Variants in UHRF1 observed in about 807,000 individuals in gnomAD.
UHRF1 encodes ubiquitin like with PHD and ring finger domains 1.
UHRF1 carries 9 observed loss-of-function variants against 96.5 expected under a neutral mutation model. The ratio of observed to expected loss-of-function variants is 0.09; its 90% CI spans 0.06 to 0.16. UHRF1 has a LOEUF of 0.16. UHRF1 is among the 10% of genes least tolerant of loss of function. The pLI is 1.00. For synonymous variants in UHRF1, 455 were observed against 469.9 expected, an observed-to-expected ratio of 0.97 and a Z score of 0.41; for missense variants, 626 against 1,131.1, an observed-to-expected ratio of 0.55 and a Z score of 6.40.
rs897055597 is a variant in UHRF1, at chr19:4,961,476, C to T, written c.*673C>T. On this transcript the variant is annotated 3_prime_UTR_variant, in exon 17 of 17. Coordinates refer to ENST00000650932, the MANE Select transcript of UHRF1 (RefSeq NM_001048201.3). ...AGTTGGGGCCACGCAGAAATGGCCT[C>T]AAGGGGACTCTGCTCCACGTGGGGC... is the stretch of plus-strand genomic sequence containing the variant. 3.3e-5 allele frequency: 5 copies of T among 152,442 alleles called. No homozygotes were observed. Among genetic ancestry groups the T allele is most frequent in the African/African-American group, 1.2e-4 (5 of 41,462 alleles). The allele number at this position is 152,442 out of a possible 1,614,324, so 9.4% of individuals were successfully genotyped here. A position where few individuals can be genotyped will look rare whatever the true frequency, so the allele number is the denominator to read the frequency against.
intron 5 of UHRF1, among the ~76,000 whole-genome samples, chr19:4,940,331 GGCCATTGGATCAA>G (rs1187332507): frequency 6.8e-6 from 1 of 146,268 alleles, no homozygotes; most frequent in Admixed American, 6.9e-5. Context: ...TTTTGATGTA[GGCCATTGGATCAA>G]GCGTTGCCTT....
At chr19:4,910,745 G>A (rs2032234976) in intron 1 of UHRF1, 131 bp from the exon 2 acceptor site, 2 of 1,115,426 alleles carry the variant, frequency 1.8e-6, no homozygotes, top group African/African-American at 1.6e-5. Flanking sequence ...TGTACAGGAG[G>A]ACTGGAAGGG....
Position 4,956,821 on chromosome 19 carries a change from G to C in UHRF1, c.2235+8G>C. On this transcript the variant is annotated splice_region_variant and intron_variant, in intron 16 of 16. Coordinates refer to ENST00000650932, the MANE Select transcript of UHRF1 (RefSeq NM_001048201.3). ...CAGCACAACGTGTGCAAGGTGAGTA[G>C]AGATGGCCGCGGGAGCCGGGTGGAA... The C allele has an allele frequency of 1.3e-6, 2 of 1,597,294 alleles. No individual in the cohort carries two copies. Among genetic ancestry groups the C allele is most frequent in the Non-Finnish European group, 1.7e-6 (2 of 1,170,770 alleles).
At chr19:4,957,649 CAG>C (rs1482033765) in intron 16 of UHRF1, among the ~76,000 whole-genome samples, 3 of 152,154 alleles carry the variant, frequency 2.0e-5, no homozygotes, top group African/African-American at 7.2e-5. Context: ...GGGGCCAGGA[CAG>C]GGTCTCTTCC....
intron 5 of UHRF1, among the ~76,000 whole-genome samples, chr19:4,939,979 G>A (rs563591478): frequency 6.7e-6 from 1 of 149,800 alleles, no homozygotes; most frequent in South Asian, 2.1e-4. Context: ...AGCCGAGATC[G>A]TGCCACTGCA....
Position 4,954,970 on chromosome 19 carries a change from C to G in UHRF1, c.2130+148C>G. On this transcript the variant is annotated intron_variant, in intron 15 of 16. Coordinates refer to ENST00000650932, the MANE Select transcript of UHRF1 (RefSeq NM_001048201.3). This position sits in a 1 kb window ranked among gnomAD's most constrained non-coding sequence, Gnocchi z 5.9. ...GGTTGTGCAACCATCACCACCATCA[C>G]CACCTCCAGAACTTTATCCTCTCCC... 1.0e-6 allele frequency: 1 copy of G among 1,001,158 alleles called. No individual in the cohort carries two copies. The highest frequency in any genetic ancestry group is 1.5e-6 in the Non-Finnish European group (1 of 682,342). The allele number at this position is 1,001,158 out of a possible 1,614,324, so 62.0% of individuals were successfully genotyped here.
chr19:4,919,267 G>A (rs140676588), intron 2 of UHRF1, among the ~76,000 whole-genome samples: 12 of 151,468 alleles, frequency 7.9e-5, no homozygotes, highest in Admixed American at 2.6e-4. Context: ...TCATACCTGA[G>A]ATTACAGGCA....
chr19:4,907,773 C>T (rs1019835312), upstream of UHRF1, among the ~76,000 whole-genome samples: 7 of 139,720 alleles, frequency 5.0e-5, no homozygotes, highest in East Asian at 2.1e-4. Flanking sequence ...AGTGCAATGG[C>T]GCGATCTTGG....
At chr19:4,928,159 C>T (rs1026552024) in intron 2 of UHRF1, among the ~76,000 whole-genome samples, 1 of 151,918 alleles carries the variant, frequency 6.6e-6, no homozygotes, top group Non-Finnish European at 1.5e-5. Context: ...GTCACAACTA[C>T]GGGGTGCTCC....
chr19:4,932,676 G>C (rs17882965), intron 4 of UHRF1, 65 bp from the exon 5 acceptor site: 1 of 1,575,170 alleles, frequency 6.3e-7, no homozygotes, highest in Non-Finnish European at 8.7e-7. Flanking sequence ...ACCTCGGCTC[G>C]TTTCCCATTG....
In UHRF1 at chr19:4,948,747, C is replaced by T. The variant is rs184659906; in HGVS notation, c.1517+1536C>T. Among the ~76,000 whole-genome samples the T allele has an allele frequency of 1.5e-4, 22 of 151,522 alleles. No individual in the cohort carries two copies. In the East Asian group the frequency reaches 2.7e-3, roughly 19 times the overall value. On this transcript the variant is annotated intron_variant, in intron 11 of 16. Transcript: ENST00000650932. The stretch of plus-strand genomic sequence containing the variant: ...CCAGGAGGCGGAGGATGCAGTGAGC[C>T]GAAATCATGCCATTGCACTCTTGCA...
chr19:4,911,147 C>G (rs1430354033), intron 2 of UHRF1, 109 bp downstream of exon 2: 1 of 1,087,988 alleles, frequency 9.2e-7, no homozygotes, highest in African/African-American at 1.6e-5. Context: ...CAACCTCGTC[C>G]GGTCCCACTT....
intron 2 of UHRF1, among the ~76,000 whole-genome samples, chr19:4,921,104 CAG>C (rs1282956343): frequency 2.1e-5 from 3 of 142,258 alleles, no homozygotes; most frequent in South Asian, 2.3e-4. Flanking sequence ...AGCCTGGTGA[CAG>C]AGGGAGACTC....
chr19:4,907,554 G>A (rs1044612272), upstream of UHRF1, among the ~76,000 whole-genome samples: 8 of 151,968 alleles, frequency 5.3e-5, no homozygotes, highest in Non-Finnish European at 1.2e-4. Context: ...ACACGTGTGA[G>A]CCACCACGCC....
chr19:4,922,186 A>G (rs2032723247), intron 2 of UHRF1, among the ~76,000 whole-genome samples: 3 of 152,066 alleles, frequency 2.0e-5, no homozygotes, highest in Admixed American at 2.0e-4. Context: ...ATCTCAAGTG[A>G]TCTGCCTGCC....
At chr19:4,914,733 G>A (rs889593524) in intron 2 of UHRF1, among the ~76,000 whole-genome samples, 1 of 150,660 alleles carries the variant, frequency 6.6e-6, no homozygotes, top group Admixed American at 6.6e-5. Context: ...CGGGTACAAC[G>A]CTCTGCACTG....
rs781617137 is a variant in UHRF1 at position 4,941,946 on chromosome 19, G to C, written c.1073+15G>C. 1.0e-5 allele frequency: 15 copies of C among 1,473,280 alleles called. No individual in the cohort carries two copies. Among genetic ancestry groups the C allele is most frequent in the South Asian group, 2.9e-5 (2 of 68,964 alleles). The allele number at this position is 1,473,280 out of a possible 1,614,324, so 91.3% of individuals were successfully genotyped here. A position where few individuals can be genotyped will look rare whatever the true frequency, so the allele number is the denominator to read the frequency against. The stretch of plus-strand genomic sequence containing the variant: ...GAGGACGAGTGGTGAGTGCGGCCCT[G>C]CCCGCCGCGGGGAGACCAGAGCGCC... On this transcript the variant is annotated intron_variant, in intron 7 of 16. Transcript: ENST00000650932.
At chr19:4,909,788 C>G in intron 1 of UHRF1, 133 bp downstream of exon 1, 1 of 455,524 alleles carries the variant, frequency 2.2e-6, no homozygotes, top group East Asian at 3.6e-5. Context: ...CCAGGGCCTC[C>G]CCTTCCACCT....
In UHRF1 at chr19:4,941,737, G is replaced by A. The variant is rs748938028; in HGVS notation, c.887-8G>A. 21 of 1,546,490 alleles carry A rather than the reference G, an allele frequency of 1.4e-5. No homozygotes were observed. Among genetic ancestry groups the A allele is most frequent in the African/African-American group, 4.1e-5 (3 of 72,836 alleles). Reference sequence around the variant, plus strand: ...CCGCCGGAGCTGACCCTGCCGCCCCGTGCCCAGGGAAGAGCGGGCCGTCCT... The same window carrying A: ...CCGCCGGAGCTGACCCTGCCGCCCCATGCCCAGGGAAGAGCGGGCCGTCCT... On this transcript the variant is annotated splice_polypyrimidine_tract_variant and splice_region_variant and intron_variant, in intron 6 of 16. Transcript: ENST00000650932.
Sources: gnomAD v4.1 joint callset for allele counts (sites outside exome capture counted in the v4.1 genomes callset) on GRCh38, gnomAD v4.1.1 for gene constraint, Gnocchi (gnomAD v3.1) non-coding constraint, MANE v1.5 for transcripts, NCBI Gene and HGNC (gene_info 2026-07-23, HGNC 2026-07-21) for gene names.